DLG2: variants seen among roughly 807,000 people sequenced by gnomAD.
DLG2 encodes the protein disks large homolog 2.
Under a neutral mutation model 132.5 loss-of-function variants are expected in DLG2, and 45 were observed. That is an observed-to-expected ratio of 0.34 (90% CI 0.27 to 0.44). DLG2 has a LOEUF of 0.44. Ranked by LOEUF, DLG2 falls within the 20% of genes least tolerant of loss-of-function variation. The pLI is 1.00. For synonymous variants in DLG2, 424 were observed against 419.6 expected, an observed-to-expected ratio of 1.01 and a Z score of -0.13; for missense variants, 1,045 against 1,196.9, an observed-to-expected ratio of 0.87 and a Z score of 1.87.
At chr11:84,426,262 T>A (rs1465651635) in intron 7 of DLG2, among the ~76,000 whole-genome samples, 1 of 151,974 alleles carries the variant, frequency 6.6e-6, no homozygotes, top group Non-Finnish European at 1.5e-5. Flanking sequence ...TAGGTTCAAA[T>A]CCCCAAAACT....
At chr11:83,668,654 T>C (rs775269689) in intron 18 of DLG2, among the ~76,000 whole-genome samples, 1 of 151,346 alleles carries the variant, frequency 6.6e-6, no homozygotes, top group African/African-American at 2.4e-5. Context: ...CACATGTGTA[T>C]GTATATATGT....
At chr11:85,201,123 T>G (rs1287782508) in intron 4 of DLG2, among the ~76,000 whole-genome samples, 1 of 151,992 alleles carries the variant, frequency 6.6e-6, no homozygotes, top group Non-Finnish European at 1.5e-5. Flanking sequence ...CAGGGAGACA[T>G]GCTCCCCTCT....
intron 6 of DLG2, among the ~76,000 whole-genome samples, chr11:84,809,687 C>T (rs2076358696): frequency 6.6e-6 from 1 of 151,864 alleles, no homozygotes; most frequent in Admixed American, 6.6e-5. Flanking sequence ...CTCAAAAATA[C>T]TTATTCTAAA....
intron 3 of DLG2, among the ~76,000 whole-genome samples, chr11:85,553,900 C>T (rs2076800587): frequency 6.6e-6 from 1 of 150,926 alleles, no homozygotes; most frequent in Non-Finnish European, 1.5e-5. Flanking sequence ...AAAAATTATA[C>T]TGCTAAATAT....
intron 3 of DLG2, among the ~76,000 whole-genome samples, chr11:85,369,559 G>C (rs1013991611): frequency 7.9e-5 from 12 of 152,112 alleles, no homozygotes; most frequent in Non-Finnish European, 1.8e-4. Context: ...TCATGAAAAA[G>C]GATTTGTGGG....
chr11:84,029,838 A>C (rs890643461), intron 11 of DLG2, among the ~76,000 whole-genome samples: 1 of 152,140 alleles, frequency 6.6e-6, no homozygotes, highest in African/African-American at 2.4e-5. Flanking sequence ...ATATTTCATA[A>C]GGAAACAACA....
chr11:84,366,682 C>A (rs1170558688), intron 7 of DLG2, among the ~76,000 whole-genome samples: 1 of 152,054 alleles, frequency 6.6e-6, no homozygotes, highest in Non-Finnish European at 1.5e-5. Context: ...ATAAAACAGA[C>A]TTTAAACCAA....
chr11:83,812,635 T>C (rs988735396), intron 17 of DLG2, among the ~76,000 whole-genome samples: 7 of 152,180 alleles, frequency 4.6e-5, no homozygotes, highest in Non-Finnish European at 7.4e-5. Context: ...GTAGATATAC[T>C]GTGAAAATCT....
At chr11:84,256,849 G>A (rs975588029) in intron 7 of DLG2, among the ~76,000 whole-genome samples, 15 of 152,132 alleles carry the variant, frequency 9.9e-5, no homozygotes, top group Non-Finnish European at 2.2e-4. Flanking sequence ...ATTTCATTAT[G>A]AGAGGTGGAG....
rs1021056444 is a variant in DLG2, at chr11:85,608,175, T to C, written c.-92-9387A>G. ...AGGGACCGTTGTGGGTTCTTGGGCATGGGGAGAAACAAACCAAAACCATGG... is the reference window on the plus strand; with the variant it reads ...AGGGACCGTTGTGGGTTCTTGGGCACGGGGAGAAACAAACCAAAACCATGG... On this transcript the variant is annotated intron_variant, in intron 2 of 27. Coordinates refer to ENST00000376104, the MANE Select transcript of DLG2 (RefSeq NM_001142699.3). Among the ~76,000 whole-genome samples, 3 of 152,056 alleles carry C rather than the reference T, an allele frequency of 2.0e-5. 1 individual carries two copies. In the South Asian group the frequency reaches 6.2e-4, roughly 31 times the overall value.
intron 7 of DLG2, among the ~76,000 whole-genome samples, chr11:84,359,258 A>G (rs538089301): frequency 6.6e-6 from 1 of 152,002 alleles, no homozygotes; most frequent in South Asian, 2.1e-4. Context: ...AAATGAATCA[A>G]TATGCTGTTG....
chr11:83,672,197 C>T (rs12786327), intron 18 of DLG2, among the ~76,000 whole-genome samples: 17,386 of 150,876 alleles, frequency 0.12, 1,651 homozygotes, highest in African/African-American at 0.26. Flanking sequence ...TCTTTTTCTT[C>T]TTCTTTTTGA....
intron 4 of DLG2, among the ~76,000 whole-genome samples, chr11:85,220,207 C>T (rs1173324153): frequency 2.6e-5 from 4 of 151,796 alleles, no homozygotes; most frequent in African/African-American, 7.3e-5. Context: ...TCAGTGGAAA[C>T]ATACTAAGCA....
At chr11:83,908,780 T>G (rs2075512522) in intron 15 of DLG2, among the ~76,000 whole-genome samples, 1 of 151,950 alleles carries the variant, frequency 6.6e-6, no homozygotes, top group African/African-American at 2.4e-5. Flanking sequence ...GTCACCGAGG[T>G]TGTAGCAGAG....
At chr11:84,740,018 G>A (rs2064387544) in intron 6 of DLG2, among the ~76,000 whole-genome samples, 2 of 151,838 alleles carry the variant, frequency 1.3e-5, no homozygotes, top group Non-Finnish European at 2.9e-5. Context: ...CAATGACTGT[G>A]TCTACTCTGT....
At chr11:84,123,117 T>C (rs2094004670) in intron 9 of DLG2, among the ~76,000 whole-genome samples, 2 of 152,202 alleles carry the variant, frequency 1.3e-5, no homozygotes, top group Admixed American at 1.3e-4. Context: ...CAGTCCTCAA[T>C]AGTAGCATCC....
At chr11:84,154,565 T>C (rs1256959534) in intron 9 of DLG2, among the ~76,000 whole-genome samples, 1 of 152,154 alleles carries the variant, frequency 6.6e-6, no homozygotes, top group African/African-American at 2.4e-5. Context: ...TTGTTACATA[T>C]GTATACATGT....
At chr11:85,236,044 T>A (rs1043871144) in intron 4 of DLG2, among the ~76,000 whole-genome samples, 1 of 151,840 alleles carries the variant, frequency 6.6e-6, no homozygotes, top group African/African-American at 2.4e-5. Context: ...ACCAAGCAGA[T>A]AAGAGATGGC....
In DLG2 at chr11:83,508,245, C is replaced by CTT. The variant is rs761737091; in HGVS notation, c.2194-24019_2194-24018dup. Among the ~76,000 whole-genome samples, 1,079 of 140,414 alleles carry CTT rather than the reference C, an allele frequency of 7.7e-3. 17 individuals are homozygous for CTT. The highest frequency in any genetic ancestry group is 0.027 in the African/African-American group (1,027 of 38,080). 92.1% of individuals were successfully genotyped at this position (140,414 alleles called of 152,430 possible). On this transcript the variant is annotated intron_variant, in intron 21 of 27. Transcript: ENST00000376104. The stretch of plus-strand genomic sequence containing the variant: ...TCTTTTTCCCATTTAGAATATACAT[C>CTT]TTTTTTTTTTTTTTTGAGACAGTGT...
Sources: allele counts gnomAD v4.1 joint callset (sites outside exome capture counted in the v4.1 genomes callset), GRCh38; gene constraint gnomAD v4.1.1; transcripts MANE v1.5; gene names NCBI Gene and HGNC (gene_info 2026-07-23, HGNC 2026-07-21).